The following LDHC variants were observed in gnomAD, a reference collection of about 807,000 sequenced individuals.
LDHC encodes L-lactate dehydrogenase C chain.
Under a neutral mutation model 30.2 loss-of-function variants are expected in LDHC, and 20 were observed. The observed-to-expected ratio is 0.66, with a 90% CI of 0.47 to 0.96. The LOEUF (loss-of-function observed/expected upper bound fraction) is 0.96. Ranked by LOEUF, LDHC falls within the 40% of genes least tolerant of loss-of-function variation. The probability of loss-of-function intolerance (pLI) is 0.00; values close to 1 mark genes in which losing one functional copy is unlikely to be tolerated. For missense variants in LDHC, 362 were observed against 394.9 expected (o/e 0.92, Z 0.71); for synonymous variants, 139 against 132.7 (o/e 1.05, Z -0.32).
At chr11:18,438,173 A>C (rs1848391475) in intron 5 of LDHC, among the ~76,000 whole-genome samples, 1 of 152,200 alleles carries the variant, frequency 6.6e-6, no homozygotes, top group Non-Finnish European at 1.5e-5. Flanking sequence ...TGAGGACCTC[A>C]GGAAGCTTGC....
At chr11:18,421,584 A>T (rs1848051854) in intron 3 of LDHC, among the ~76,000 whole-genome samples, 1 of 152,040 alleles carries the variant, frequency 6.6e-6, no homozygotes, top group Admixed American at 6.6e-5. Context: ...GAGGCAGGAG[A>T]ATCGCTTTAA....
chr11:18,451,274 C>T lies in LDHC; in HGVS notation c.*147C>T, dbSNP rs141796090. The T allele has an allele frequency of 1.9e-5, 10 of 513,842 alleles. No individual in the cohort carries two copies. The highest frequency in any genetic ancestry group is 2.6e-5 in the Non-Finnish European group (8 of 303,680). The allele number at this position is 513,842 out of a possible 1,614,324, so 31.8% of individuals were successfully genotyped here. On this transcript the variant is annotated 3_prime_UTR_variant, in exon 8 of 8. Transcript: ENST00000541669. ...TAACTCTAGTCTCTCAAGATTAGAA[C>T]GAGCAAATGGTAAAGAGATTTTCCT...
chr11:18,424,557 A>G (rs999943311), intron 3 of LDHC, among the ~76,000 whole-genome samples: 1 of 152,182 alleles, frequency 6.6e-6, no homozygotes, highest in Non-Finnish European at 1.5e-5. Flanking sequence ...TAAACAAGTC[A>G]ATGAATCCCA....
At chr11:18,423,278 G>A (rs1848100474) in intron 3 of LDHC, among the ~76,000 whole-genome samples, 1 of 152,154 alleles carries the variant, frequency 6.6e-6, no homozygotes, top group Admixed American at 6.6e-5. Context: ...AATATTGTAA[G>A]CTATCCATTC....
rs1163502049 is a variant in LDHC, at chr11:18,450,986, A to C, written c.858A>C (p.Glu286Asp). 8 of 1,588,944 alleles carry C rather than the reference A, an allele frequency of 5.0e-6. No individual in the cohort carries two copies. Among genetic ancestry groups the C allele is most frequent in the Non-Finnish European group, 6.8e-6 (8 of 1,172,050 alleles). ...AGGGATTATATGGAATAAAAGAAGA[A>C]CTCTTTCTCAGTATCCCTTGTGTCT... is the stretch of plus-strand genomic sequence containing the variant. Reference protein sequence around the residue: ...MVKGLYGIKEELFLSIPCVLG... With the variant: ...MVKGLYGIKEDLFLSIPCVLG... The change falls in exon 8 of 8, where the codon GAA (glutamate) becomes GAC (aspartate). Residue 286 changes from glutamate (E) to aspartate (D), a missense_variant. Glu to Asp is a conservative substitution (Grantham distance 45). Coordinates refer to ENST00000541669, the MANE Select transcript of LDHC (RefSeq NM_017448.5).
chr11:18,438,663 G>T lies in LDHC; in HGVS notation c.710+18G>T, dbSNP rs1276229844. The T allele has an allele frequency of 2.5e-6, 3 of 1,223,110 alleles. No individual in the cohort carries two copies. The highest frequency in any genetic ancestry group is 3.0e-5 in the African/African-American group (2 of 67,310). The allele number at this position is 1,223,110 out of a possible 1,614,324, so 75.8% of individuals were successfully genotyped here. On this transcript the variant is annotated intron_variant, in intron 6 of 7. Coordinates refer to ENST00000541669, the MANE Select transcript of LDHC (RefSeq NM_017448.5). ...ATTCAAAGGTAATAGTACCTATTCAGTTTCTTAATGCCTTAATAGTCAGTC... is the reference window on the plus strand; with the variant it reads ...ATTCAAAGGTAATAGTACCTATTCATTTTCTTAATGCCTTAATAGTCAGTC...
At chr11:18,437,647 G>C (rs1168237140) in intron 5 of LDHC, among the ~76,000 whole-genome samples, 3 of 152,018 alleles carry the variant, frequency 2.0e-5, no homozygotes, top group Non-Finnish European at 2.9e-5. Context: ...AGTGACTCGG[G>C]AGGCTGAGGC....
At chr11:18,446,125 C>A in intron 6 of LDHC, 85 bp from the exon 7 acceptor site, 1 of 1,187,066 alleles carries the variant, frequency 8.4e-7, no homozygotes, top group Non-Finnish European at 1.2e-6. Context: ...ATGTAGATAA[C>A]TTTAAAATGG....
intron 6 of LDHC, among the ~76,000 whole-genome samples, chr11:18,442,044 C>G (rs536728246): frequency 6.6e-6 from 1 of 152,040 alleles, no homozygotes; most frequent in Admixed American, 6.6e-5. Flanking sequence ...AAGCGGCTGC[C>G]TTTAGTTCTC....
chr11:18,442,446 T>C (rs564445194), intron 6 of LDHC, among the ~76,000 whole-genome samples: 1 of 152,268 alleles, frequency 6.6e-6, no homozygotes, highest in Non-Finnish European at 1.5e-5. Context: ...CAAACATTTC[T>C]TCAATATTTT....
chr11:18,414,786 C>T (rs1866976560), intron 2 of LDHC, among the ~76,000 whole-genome samples: 1 of 152,124 alleles, frequency 6.6e-6, no homozygotes, highest in South Asian at 2.1e-4. Context: ...GAGATTGTGC[C>T]ACTGCACTCC....
intron 4 of LDHC, among the ~76,000 whole-genome samples, chr11:18,431,290 A>T (rs111529024): frequency 6.6e-6 from 1 of 151,610 alleles, no homozygotes; most frequent in African/African-American, 2.4e-5. Context: ...GTGAAACCCC[A>T]TCTCTACTAA....
intron 5 of LDHC, among the ~76,000 whole-genome samples, chr11:18,437,827 G>T (rs953164127): frequency 1.3e-5 from 2 of 151,896 alleles, no homozygotes; most frequent in African/African-American, 4.8e-5. Context: ...CACTTTTGGA[G>T]GCCAACGCGT....
intron 7 of LDHC, 88 bp downstream of exon 7, chr11:18,446,421 G>A: frequency 1.0e-6 from 1 of 997,884 alleles, no homozygotes; most frequent in Non-Finnish European, 1.6e-6. Context: ...ACAAGATGTT[G>A]AGGATATAAT....
intron 2 of LDHC, 61 bp downstream of exon 2, chr11:18,412,904 G>T: frequency 6.5e-7 from 1 of 1,541,022 alleles, no homozygotes; most frequent in Non-Finnish European, 8.9e-7. Flanking sequence ...TGTTGTATAT[G>T]TCGATGTATT....
chr11:18,418,317 A>G (rs1867059106), intron 3 of LDHC, among the ~76,000 whole-genome samples: 1 of 149,310 alleles, frequency 6.7e-6, no homozygotes, highest in Non-Finnish European at 1.5e-5. Flanking sequence ...GACATACTAG[A>G]TAGTAGTTTA....
At chr11:18,442,215 C>A (rs1488261563) in intron 6 of LDHC, among the ~76,000 whole-genome samples, 1 of 151,986 alleles carries the variant, frequency 6.6e-6, no homozygotes, top group African/African-American at 2.4e-5. Flanking sequence ...AAATCCAGTG[C>A]TGATAACCTA....
chr11:18,427,714 G>T (rs2698558), intron 3 of LDHC, among the ~76,000 whole-genome samples: 17,075 of 144,890 alleles, frequency 0.12, 1,146 homozygotes, highest in East Asian at 0.32. Flanking sequence ...GTCTCGCTCT[G>T]TCACTCAGGC....
intron 3 of LDHC, among the ~76,000 whole-genome samples, chr11:18,424,112 C>T (rs113729121): frequency 6.6e-6 from 1 of 152,076 alleles, no homozygotes; most frequent in Non-Finnish European, 1.5e-5. Context: ...TGGCCGGGTG[C>T]GGTGGCTCAC....
Sources: allele counts gnomAD v4.1 joint callset (sites outside exome capture counted in the v4.1 genomes callset), GRCh38; gene constraint gnomAD v4.1.1; transcripts MANE v1.5; gene names NCBI Gene and HGNC (gene_info 2026-07-23, HGNC 2026-07-21).